The following ANKRD28 variants were observed in gnomAD, a reference collection of about 807,000 sequenced individuals.
ANKRD28 encodes the protein serine/threonine-protein phosphatase 6 regulatory ankyrin repeat subunit A.
A neutral mutation model predicts 126.5 loss-of-function variants in ANKRD28; 44 were observed. That is an observed-to-expected ratio of 0.35 (90% CI 0.27 to 0.45). ANKRD28 has a LOEUF of 0.45. Among genes scored for constraint, ANKRD28 ranks in the 20% least tolerant of loss-of-function variants. The probability of loss-of-function intolerance (pLI) is 1.00; values close to 1 mark genes in which losing one functional copy is unlikely to be tolerated. For synonymous variants in ANKRD28, 442 were observed against 468.5 expected (o/e 0.94, Z 0.73); for missense variants, 1,110 against 1,316.6 (o/e 0.84, Z 2.43).
intron 1 of ANKRD28, among the ~76,000 whole-genome samples, chr3:15,848,925 T>C (rs1474104116): frequency 6.6e-6 from 1 of 152,132 alleles, no homozygotes; most frequent in Non-Finnish European, 1.5e-5. Flanking sequence ...AAATTATCTC[T>C]AGTCACGGAA....
At chr3:15,706,879 A>T (rs1330315480) in intron 14 of ANKRD28, among the ~76,000 whole-genome samples, 1 of 152,118 alleles carries the variant, frequency 6.6e-6, no homozygotes, top group Non-Finnish European at 1.5e-5. Context: ...TTGGCTGCAT[A>T]AATGTCTTCT....
At chr3:15,717,053 C>T (rs1329491666) in intron 8 of ANKRD28, among the ~76,000 whole-genome samples, 2 of 152,152 alleles carry the variant, frequency 1.3e-5, no homozygotes, top group Non-Finnish European at 2.9e-5. Context: ...TACCATTAAT[C>T]TTGTTTTATA....
chr3:15,741,697 CTTTTTTTTTTTTTTTTTT>C (rs58655271), intron 4 of ANKRD28, among the ~76,000 whole-genome samples: 780 of 33,658 alleles, frequency 0.023, 16 homozygotes, highest in Non-Finnish European at 0.037. Flanking sequence ...TGGTTCTATC[CTTTTTTTTTTTTTTTTTT>C]TTTTTTTTTT....
At chr3:15,679,248 GCATGAGC>G (rs1388528476) in intron 23 of ANKRD28, 46 bp downstream of exon 23, 13 of 1,525,994 alleles carry the variant, frequency 8.5e-6, no homozygotes, top group Middle Eastern at 3.4e-4. Flanking sequence ...AGGATTATAG[GCATGAGC>G]CACTGTGCCT....
At chr3:15,805,537 A>G (rs956655823) in intron 1 of ANKRD28, among the ~76,000 whole-genome samples, 2 of 152,310 alleles carry the variant, frequency 1.3e-5, no homozygotes, top group South Asian at 2.1e-4. Flanking sequence ...TGAAATCTAC[A>G]TTATTATTTG....
At chr3:15,738,946 T>C (rs1043659131) in intron 4 of ANKRD28, 11 of 152,200 alleles carry the variant, frequency 7.2e-5, no homozygotes, top group African/African-American at 2.7e-4. Context: ...TCAGGGATGT[T>C]CCTTGCTGAG....
At chr3:15,785,622 C>T (rs2059743694) in intron 2 of ANKRD28, among the ~76,000 whole-genome samples, 1 of 152,058 alleles carries the variant, frequency 6.6e-6, no homozygotes, top group Non-Finnish European at 1.5e-5. Context: ...TATGAGTGCA[C>T]ACTGGTAAAC....
intron 18 of ANKRD28, among the ~76,000 whole-genome samples, chr3:15,686,857 G>T (rs1035260091): frequency 6.6e-6 from 1 of 151,944 alleles, no homozygotes; most frequent in Non-Finnish European, 1.5e-5. Flanking sequence ...CAACATGAAT[G>T]CAAATGTAAG....
At chr3:15,714,722 T>C in intron 8 of ANKRD28, 66 bp from the exon 9 acceptor site, 1 of 1,088,454 alleles carries the variant, frequency 9.2e-7, no homozygotes, top group Non-Finnish European at 1.3e-6. Flanking sequence ...TAGTTTTACT[T>C]TGAATACCCT....
At chr3:15,777,697 C>T (rs2059345446) in intron 2 of ANKRD28, among the ~76,000 whole-genome samples, 1 of 152,086 alleles carries the variant, frequency 6.6e-6, no homozygotes, top group Non-Finnish European at 1.5e-5. Context: ...CGAAACAAAA[C>T]ACATGTGTAC....
At chr3:15,834,271 T>C (rs1287826764) in intron 1 of ANKRD28, among the ~76,000 whole-genome samples, 3 of 152,216 alleles carry the variant, frequency 2.0e-5, no homozygotes, top group Non-Finnish European at 2.9e-5. Flanking sequence ...TTCATTCTTC[T>C]ACATATAGCT....
intron 1 of ANKRD28, among the ~76,000 whole-genome samples, chr3:15,806,873 G>C (rs1013958019): frequency 6.0e-4 from 91 of 152,030 alleles, no homozygotes; most frequent in African/African-American, 2.1e-3. Context: ...CTATGTAATA[G>C]AATATTAAAC....
chr3:15,792,011 T>C (rs1016129484), intron 2 of ANKRD28, among the ~76,000 whole-genome samples: 1 of 152,062 alleles, frequency 6.6e-6, no homozygotes, highest in African/African-American at 2.4e-5. Context: ...TCATCAGATA[T>C]CCAAAACTCA....
intron 17 of ANKRD28, among the ~76,000 whole-genome samples, chr3:15,691,146 C>T (rs1431001823): frequency 2.8e-5 from 4 of 143,470 alleles, no homozygotes; most frequent in Non-Finnish European, 4.5e-5. Flanking sequence ...TTTTTTGAGA[C>T]GGAGTCTCAC....
chr3:15,811,477 T>G (rs567670811), intron 1 of ANKRD28, among the ~76,000 whole-genome samples: 1 of 152,168 alleles, frequency 6.6e-6, no homozygotes, highest in South Asian at 2.1e-4. Flanking sequence ...TATTTTGAGA[T>G]AGAGTCTTGC....
intron 2 of ANKRD28, among the ~76,000 whole-genome samples, chr3:15,784,084 G>A (rs945851185): frequency 1.3e-5 from 2 of 151,932 alleles, no homozygotes; most frequent in African/African-American, 4.8e-5. Flanking sequence ...CCTGGGAATT[G>A]CCTCAAAAGT....
intron 4 of ANKRD28, among the ~76,000 whole-genome samples, chr3:15,742,459 C>A (rs897099257): frequency 6.1e-5 from 9 of 146,434 alleles, no homozygotes; most frequent in Non-Finnish European, 1.2e-4. Flanking sequence ...AGCGTCTCTG[C>A]CCAGCCGCCC....
At chr3:15,794,475 G>A (rs930977037) in intron 2 of ANKRD28, among the ~76,000 whole-genome samples, 5 of 151,988 alleles carry the variant, frequency 3.3e-5, no homozygotes, top group Non-Finnish European at 7.4e-5. Flanking sequence ...CATAACTCAG[G>A]GGTACATTTG....
chr3:15,744,741 C>CTT (rs2057364800), intron 4 of ANKRD28, among the ~76,000 whole-genome samples: 1 of 152,104 alleles, frequency 6.6e-6, no homozygotes, highest in Non-Finnish European at 1.5e-5. Flanking sequence ...ATAATGACCT[C>CTT]TTTTTCTCTG....
Sources: gnomAD v4.1 joint callset for allele counts (sites outside exome capture counted in the v4.1 genomes callset) on GRCh38, gnomAD v4.1.1 for gene constraint, MANE v1.5 for transcripts, NCBI Gene and HGNC (gene_info 2026-07-23, HGNC 2026-07-21) for gene names.